MFHAS1: variants seen among roughly 807,000 people sequenced by gnomAD.
MFHAS1 encodes malignant fibrous histiocytoma-amplified sequence 1.
A neutral mutation model predicts 70.4 loss-of-function variants in MFHAS1; 50 were observed. That is an observed-to-expected ratio of 0.71 (90% CI 0.57 to 0.90). MFHAS1 has a LOEUF of 0.90. Ranked by LOEUF, MFHAS1 falls within the 40% of genes least tolerant of loss-of-function variation. MFHAS1 has a pLI of 0.00. For missense variants in MFHAS1, 1,795 were observed against 1,347.6 expected (o/e 1.33, Z -5.20); for synonymous variants, 952 against 620.0 (o/e 1.54, Z -7.96).
chr8:8,829,436 G>A (rs889364664), intron 1 of MFHAS1, among the ~76,000 whole-genome samples: 5 of 152,308 alleles, frequency 3.3e-5, no homozygotes, highest in South Asian at 4.1e-4. Context: ...ATCAGAGCAC[G>A]TTGGGAGGCC....
At chr8:8,872,413 T>G (rs971746981) in intron 1 of MFHAS1, among the ~76,000 whole-genome samples, 4 of 152,166 alleles carry the variant, frequency 2.6e-5, no homozygotes, top group Admixed American at 6.5e-5. Flanking sequence ...ATTCCAACCT[T>G]GCAGCTTCCT....
At chr8:8,865,591 C>G (rs1273679462) in intron 1 of MFHAS1, among the ~76,000 whole-genome samples, 5 of 152,144 alleles carry the variant, frequency 3.3e-5, no homozygotes, top group Non-Finnish European at 5.9e-5. Context: ...GAATTACTGT[C>G]CAGAAAACTT....
intron 1 of MFHAS1, among the ~76,000 whole-genome samples, chr8:8,863,329 T>C (rs1356504641): frequency 1.3e-5 from 2 of 152,198 alleles, no homozygotes; most frequent in African/African-American, 2.4e-5. Flanking sequence ...AATGGATATA[T>C]CACAGGACCT....
chr8:8,866,786 A>C (rs78876270), intron 1 of MFHAS1, among the ~76,000 whole-genome samples: 11,471 of 152,300 alleles, frequency 0.075, 639 homozygotes, highest in East Asian at 0.22. Context: ...TCATATGACT[A>C]CTTGGATATC....
chr8:8,831,243 T>C (rs1240252552), intron 1 of MFHAS1, among the ~76,000 whole-genome samples: 1 of 151,950 alleles, frequency 6.6e-6, no homozygotes, highest in Admixed American at 6.6e-5. Flanking sequence ...ATAGACTCTA[T>C]CTCCAATATA....
chr8:8,812,613 G>C (rs980423887), intron 1 of MFHAS1, among the ~76,000 whole-genome samples: 2 of 152,134 alleles, frequency 1.3e-5, no homozygotes, highest in Non-Finnish European at 2.9e-5. Flanking sequence ...TTTTGCCCTA[G>C]GTGTGCAAAT....
At chr8:8,797,319 G>GATATTTTAT in intron 2 of MFHAS1, 46 bp downstream of exon 2, 3 of 1,607,468 alleles carry the variant, frequency 1.9e-6, no homozygotes, top group Non-Finnish European at 2.6e-6. Flanking sequence ...TATGGAGCTG[G>GATATTTTAT]GATCAGGAGC....
intron 1 of MFHAS1, among the ~76,000 whole-genome samples, chr8:8,854,955 G>A (rs531286627): frequency 1.3e-5 from 2 of 151,914 alleles, no homozygotes; most frequent in East Asian, 1.9e-4. Flanking sequence ...TATACCCCAC[G>A]CTGGAGTGCA....
At position 8,826,117 on chromosome 8, in the gene MFHAS1, G is replaced by C. The variant is rs542709151; in HGVS notation, c.2999-28626C>G. 1.2e-4 allele frequency among the ~76,000 whole-genome samples: 18 copies of C among 152,146 alleles called. No homozygotes were observed. The East Asian group carries it at 3.3e-3, about 28-fold the overall frequency. On this transcript the variant is annotated intron_variant, in intron 1 of 2. Coordinates refer to ENST00000276282, the MANE Select transcript of MFHAS1 (RefSeq NM_004225.3). ...TATTCATTGTTTTTTTAAAAAATTTGCAGGAAAGAACACTATAAAGTGAAA... is the reference window on the plus strand; with the variant it reads ...TATTCATTGTTTTTTTAAAAAATTTCCAGGAAAGAACACTATAAAGTGAAA...
chr8:8,890,487 C>A lies in MFHAS1; in HGVS notation c.2572G>T (p.Val858Leu), dbSNP rs141071287. Reference sequence around the variant, plus strand: ...TTAATCCAGGCTTCTGCATGGGGCACCTCGTTCTGCACATAGCATGGGAAC... The same window carrying A: ...TTAATCCAGGCTTCTGCATGGGGCAACTCGTTCTGCACATAGCATGGGAAC... ...YKFPCYVQNE[V>L]PHAEAWINGT... is the part of the protein sequence containing the mutation. Residue 858 changes from valine to leucine, a missense_variant, in exon 1 of 3, where the codon GTG (valine) becomes TTG (leucine). By Grantham distance (32) the Val-to-Leu change is conservative. Transcript: ENST00000276282. 1 of 1,613,836 alleles carries A rather than the reference C, an allele frequency of 6.2e-7. No homozygotes were observed. The highest frequency in any genetic ancestry group is 1.1e-5 in the South Asian group (1 of 91,088).
chr8:8,860,947 C>T (rs1316924618), intron 1 of MFHAS1, among the ~76,000 whole-genome samples: 1 of 152,136 alleles, frequency 6.6e-6, no homozygotes. Context: ...AGCCCAAATA[C>T]CTTATTATAA....
intron 1 of MFHAS1, among the ~76,000 whole-genome samples, chr8:8,878,251 G>A (rs1441144853): frequency 6.6e-6 from 1 of 152,160 alleles, no homozygotes; most frequent in East Asian, 1.9e-4. Flanking sequence ...CAACCTAACT[G>A]AGACCCAAGT....
intron 1 of MFHAS1, among the ~76,000 whole-genome samples, chr8:8,835,496 T>C (rs1185031307): frequency 6.6e-6 from 1 of 152,210 alleles, no homozygotes; most frequent in Non-Finnish European, 1.5e-5. Flanking sequence ...TGTTCATTAA[T>C]TCCCTCATTT....
chr8:8,798,135 C>G (rs532018152), intron 1 of MFHAS1, among the ~76,000 whole-genome samples: 2 of 152,314 alleles, frequency 1.3e-5, no homozygotes, highest in African/African-American at 2.4e-5. Flanking sequence ...AACGCTATTA[C>G]TCTGCATGCC....
At position 8,892,200 on chromosome 8, in the gene MFHAS1, C is replaced by A. The variant is rs776277831; in HGVS notation, c.859G>T (p.Glu287Ter). 3 of 1,609,982 alleles carry A rather than the reference C, an allele frequency of 1.9e-6. No homozygotes were observed. The highest frequency in any genetic ancestry group is 1.7e-6 in the Non-Finnish European group (2 of 1,180,014). ...MLNLSSNLFE[E>*]FPAALLPLAG... ...AGGGGCAGCAGCGCGGCAGGGAACT[C>A]CTCGAAGAGGTTGGAGGAGAGGTTG... is the stretch of plus-strand genomic sequence containing the variant. The change falls in exon 1 of 3, where the codon GAG becomes TAG. Residue 287 changes from glutamate (E) to a stop codon, truncating the protein, a stop_gained. Transcript: ENST00000276282. LOFTEE classifies it high-confidence loss of function. The surrounding 1 kb of genome is among the most constrained non-coding windows in gnomAD (Gnocchi z 4.7).
chr8:8,843,394 G>C (rs1807913584), intron 1 of MFHAS1, among the ~76,000 whole-genome samples: 1 of 152,096 alleles, frequency 6.6e-6, no homozygotes. Context: ...GACCAGCCTA[G>C]GCAACATTTC....
At chr8:8,813,818 A>G (rs1806637766) in intron 1 of MFHAS1, among the ~76,000 whole-genome samples, 1 of 152,202 alleles carries the variant, frequency 6.6e-6, no homozygotes, top group African/African-American at 2.4e-5. Flanking sequence ...GTTGAAGTCT[A>G]CAGCAGCAGT....
rs57563364 is a variant in MFHAS1, at chr8:8,877,910, G to A, written c.2998+12151C>T. ...TTACTATAATTTCTAAATGCAAAAC[G>A]CATCTGTGCCCACACATGCCCACCC... On this transcript the variant is annotated intron_variant, in intron 1 of 2. Coordinates refer to ENST00000276282, the MANE Select transcript of MFHAS1 (RefSeq NM_004225.3). Among the ~76,000 whole-genome samples the A allele has an allele frequency of 7.5e-3, 1,139 of 152,232 alleles. 22 individuals carry two copies. The highest frequency in any genetic ancestry group is 0.026 in the African/African-American group (1,093 of 41,544).
In MFHAS1 at chr8:8,891,750, A is replaced by G. The variant is rs574613034; in HGVS notation, c.1309T>C (p.Cys437Arg). 17 of 1,613,206 alleles carry G rather than the reference A, an allele frequency of 1.1e-5. No individual in the cohort carries two copies. Among genetic ancestry groups the G allele is most frequent in the Non-Finnish European group, 1.3e-5 (15 of 1,180,008 alleles). Residue 437 changes from cysteine (C) to arginine (R), a missense_variant, in exon 1 of 3, where the codon TGC becomes CGC. Coordinates refer to ENST00000276282, the MANE Select transcript of MFHAS1 (RefSeq NM_004225.3). The surrounding 1 kb of genome is among the most constrained non-coding windows in gnomAD (Gnocchi z 5.4). ...TTCTCCTTGTCCCCTCCTCCTGGGC[A>G]TCCCTCCACTCTCTCCTCGGTGAGG... ...HCLTEERVEG[C>R]PGGGDKEKCY...
Sources: gnomAD v4.1 joint callset for allele counts (sites outside exome capture counted in the v4.1 genomes callset) on GRCh38, gnomAD v4.1.1 for gene constraint, Gnocchi (gnomAD v3.1) non-coding constraint, MANE v1.5 for transcripts, NCBI Gene and HGNC (gene_info 2026-07-23, HGNC 2026-07-21) for gene names.